The following PPARGC1A variants were observed in gnomAD, a reference collection of about 807,000 sequenced individuals.
The protein encoded by PPARGC1A is PPARG coactivator 1 alpha.
A neutral mutation model predicts 88.7 loss-of-function variants in PPARGC1A; 25 were observed. The ratio of observed to expected loss-of-function variants is 0.28; its 90% CI spans 0.21 to 0.39. PPARGC1A has a LOEUF of 0.39. PPARGC1A is among the 10% of genes least tolerant of loss of function. The pLI is 1.00. For missense variants in PPARGC1A, 880 were observed against 968.7 expected (o/e 0.91, Z 1.22); for synonymous variants, 363 against 355.6 (o/e 1.02, Z -0.24).
At chr4:24,286,092 C>G in the PPARGC1A span, among the ~76,000 whole-genome samples, 5 of 152,020 alleles carry the variant, frequency 3.3e-5, no homozygotes, top group Admixed American at 6.6e-5. Context: ...CCCTCTCTCC[C>G]TCTTTTACCA....
the PPARGC1A span, among the ~76,000 whole-genome samples, chr4:24,317,554 C>CAAAAAAAAAAAAAAAAAAAAAAAA: frequency 7.0e-5 from 1 of 14,252 alleles, no homozygotes; most frequent in Non-Finnish European, 1.9e-4. Flanking sequence ...GTTCAGAGGA[C>CAAAAAAAAAAAAAAAAAAAAAAAA]TAAAAAAAAA....
the PPARGC1A span, among the ~76,000 whole-genome samples, chr4:24,303,574 C>A: frequency 7.2e-5 from 11 of 152,326 alleles, no homozygotes; most frequent in African/African-American, 2.6e-4. Context: ...CTGTCACTTT[C>A]CATTAGGTAA....
the PPARGC1A span, among the ~76,000 whole-genome samples, chr4:24,213,248 GT>G: frequency 6.8e-6 from 1 of 147,768 alleles, no homozygotes; most frequent in Non-Finnish European, 1.5e-5. Context: ...CTCACTGCAA[GT>G]TCCGCCTCCC....
chr4:24,084,643 T>C, the PPARGC1A span, among the ~76,000 whole-genome samples: 1 of 152,186 alleles, frequency 6.6e-6, no homozygotes, highest in African/African-American at 2.4e-5. Context: ...GAGGAACATG[T>C]AGAATGAAAA....
the PPARGC1A span, among the ~76,000 whole-genome samples, chr4:23,930,093 T>C: frequency 6.6e-6 from 1 of 152,190 alleles, no homozygotes; most frequent in African/African-American, 2.4e-5. Context: ...CATCTTTAAA[T>C]GATATCATCT....
upstream of PPARGC1A, among the ~76,000 whole-genome samples, chr4:23,901,281 A>C (rs1296471983): frequency 2.6e-5 from 4 of 151,752 alleles, no homozygotes; most frequent in South Asian, 2.1e-4. Flanking sequence ...AAGGCAGGAG[A>C]ATGGCGTGAA....
chr4:24,122,352 T>C, the PPARGC1A span, among the ~76,000 whole-genome samples: 883 of 151,758 alleles, frequency 5.8e-3, 11 homozygotes, highest in African/African-American at 0.02. Context: ...TCTTAGCCTC[T>C]CTGTGAGTGT....
chr4:24,167,900 T>G, the PPARGC1A span, among the ~76,000 whole-genome samples: 5 of 152,046 alleles, frequency 3.3e-5, no homozygotes, highest in African/African-American at 9.7e-5. Flanking sequence ...ACCACAGGCA[T>G]GCACAACCAT....
At chr4:24,126,182 G>T in the PPARGC1A span, among the ~76,000 whole-genome samples, 1 of 151,910 alleles carries the variant, frequency 6.6e-6, no homozygotes, top group East Asian at 1.9e-4. Flanking sequence ...TGCCAAACGC[G>T]CATTATTTCA....
chr4:24,010,049 A>G, the PPARGC1A span, among the ~76,000 whole-genome samples: 1 of 152,180 alleles, frequency 6.6e-6, no homozygotes, highest in Non-Finnish European at 1.5e-5. Flanking sequence ...AAGGGAATCA[A>G]AGAAAGACAT....
the PPARGC1A span, among the ~76,000 whole-genome samples, chr4:24,264,135 G>T: frequency 6.6e-6 from 1 of 152,076 alleles, no homozygotes; most frequent in Non-Finnish European, 1.5e-5. Context: ...AATATTTATT[G>T]ACTGTTTATG....
the PPARGC1A span, among the ~76,000 whole-genome samples, chr4:23,944,563 T>C: frequency 1.3e-5 from 2 of 152,184 alleles, no homozygotes; most frequent in Non-Finnish European, 2.9e-5. Flanking sequence ...ACACTGTTGA[T>C]ATGGTTTGGC....
chr4:23,835,774 T>C (rs1725905245), intron 2 of PPARGC1A, among the ~76,000 whole-genome samples: 4 of 152,172 alleles, frequency 2.6e-5, no homozygotes, highest in Admixed American at 6.5e-5. Context: ...CTGATGACAC[T>C]TTGTGTTTAT....
At chr4:23,966,532 A>G in the PPARGC1A span, among the ~76,000 whole-genome samples, 1 of 152,198 alleles carries the variant, frequency 6.6e-6, no homozygotes, top group Non-Finnish European at 1.5e-5. Flanking sequence ...TTCAATTTCA[A>G]ATACCAGGAA....
chr4:23,819,985 C>T (rs1020688792), intron 7 of PPARGC1A, among the ~76,000 whole-genome samples: 6 of 152,108 alleles, frequency 3.9e-5, no homozygotes, highest in South Asian at 2.1e-4. Context: ...AGGCTACAGC[C>T]GTTTGTCAAT....
chr4:23,917,296 A>T, the PPARGC1A span, among the ~76,000 whole-genome samples: 1 of 152,052 alleles, frequency 6.6e-6, no homozygotes, highest in African/African-American at 2.4e-5. Context: ...TCACAGTTAT[A>T]TTACACCACT....
At chr4:24,084,362 C>T in the PPARGC1A span, among the ~76,000 whole-genome samples, 1 of 152,188 alleles carries the variant, frequency 6.6e-6, no homozygotes, top group Non-Finnish European at 1.5e-5. Flanking sequence ...GTTGCTTAGC[C>T]TTGAGAGCAA....
the PPARGC1A span, among the ~76,000 whole-genome samples, chr4:24,065,260 C>T: frequency 6.6e-6 from 1 of 152,094 alleles, no homozygotes; most frequent in Non-Finnish European, 1.5e-5. Context: ...ACCTGCTTGG[C>T]CAGCATCTAG....
At chr4:24,208,682 A>AAAAATATATAT in the PPARGC1A span, among the ~76,000 whole-genome samples, 16 of 134,978 alleles carry the variant, frequency 1.2e-4, no homozygotes, top group African/African-American at 3.2e-4. Context: ...TCAGAAAAAA[A>AAAAATATATAT]ATATATATAT....
Sources: allele counts gnomAD v4.1 joint callset (sites outside exome capture counted in the v4.1 genomes callset), GRCh38; gene constraint gnomAD v4.1.1; transcripts MANE v1.5; gene names NCBI Gene and HGNC (gene_info 2026-07-23, HGNC 2026-07-21).